The following HPSE2 variants were observed in gnomAD, a reference collection of about 807,000 sequenced individuals.
HPSE2 encodes heparanase 2 (inactive), also known as inactive heparanase-2.
HPSE2 carries 38 observed loss-of-function variants against 60.5 expected under a neutral mutation model. The observed-to-expected ratio is 0.63, with a 90% CI of 0.48 to 0.82. The LOEUF (loss-of-function observed/expected upper bound fraction) is 0.82. HPSE2 is among the 40% of genes least tolerant of loss of function. The probability of loss-of-function intolerance (pLI) is 0.00; values close to 1 mark genes in which losing one functional copy is unlikely to be tolerated. For missense variants in HPSE2, 713 were observed against 740.4 expected (o/e 0.96, Z 0.43); for synonymous variants, 295 against 293.2 (o/e 1.01, Z -0.06).
At chr10:99,273,606 C>T in the HPSE2 span, among the ~76,000 whole-genome samples, 4 of 152,122 alleles carry the variant, frequency 2.6e-5, no homozygotes, top group East Asian at 7.7e-4. Context: ...CATAAACCAA[C>T]CCCTAAAGAT....
chr10:99,132,197 G>GAAAGAGAGAGAGAA (rs1469649712), intron 3 of HPSE2, among the ~76,000 whole-genome samples: 1 of 16,142 alleles, frequency 6.2e-5, no homozygotes, highest in African/African-American at 1.2e-4. Flanking sequence ...AAGAAAGAGA[G>GAAAGAGAGAGAGAA]AGAGAGAGAG....
Position 98,915,956 on chromosome 10 carries a change from C to A in HPSE2, c.611-171900G>T, listed in dbSNP as rs544540084. Among the ~76,000 whole-genome samples the A allele has an allele frequency of 3.0e-4, 45 of 152,124 alleles. No homozygotes were observed. In the South Asian group the frequency reaches 6.9e-3, roughly 23 times the overall value. On this transcript the variant is annotated intron_variant, in intron 3 of 11. Transcript: ENST00000370552. Reference sequence around the variant, plus strand: ...AGAAGGAAACACAAACTTTGTATGACTTTTTTTTCCACATAGGATTCACAA... The same window carrying A: ...AGAAGGAAACACAAACTTTGTATGAATTTTTTTTCCACATAGGATTCACAA...
At chr10:99,193,485 G>C (rs1848290492) in intron 2 of HPSE2, among the ~76,000 whole-genome samples, 1 of 151,558 alleles carries the variant, frequency 6.6e-6, no homozygotes, top group Admixed American at 6.6e-5. Flanking sequence ...ACATACAGTG[G>C]CTGAATGGAT....
chr10:99,308,398 G>GAAAAAAAAAAAAAAAAAAAAAAAAA, the HPSE2 span, among the ~76,000 whole-genome samples: 27 of 56,396 alleles, frequency 4.8e-4, no homozygotes, highest in African/African-American at 5.5e-4. Context: ...AAAAAAAAAG[G>GAAAAAAAAAAAAAAAAAAAAAAAAA]AAACCATCAA....
chr10:99,240,457 C>CT (rs1849918769), upstream of HPSE2, among the ~76,000 whole-genome samples: 1 of 147,672 alleles, frequency 6.8e-6, no homozygotes, highest in African/African-American at 2.5e-5. Context: ...GTCACCCAGG[C>CT]TGGAGTGCAG....
intron 3 of HPSE2, among the ~76,000 whole-genome samples, chr10:99,064,837 T>A (rs1042229605): frequency 2.0e-5 from 3 of 152,108 alleles, no homozygotes; most frequent in Non-Finnish European, 2.9e-5. Context: ...AAAAGTTGTT[T>A]CAAGCTTCCT....
chr10:98,919,523 T>C (rs1954221241), intron 3 of HPSE2, among the ~76,000 whole-genome samples: 1 of 151,904 alleles, frequency 6.6e-6, no homozygotes, highest in Non-Finnish European at 1.5e-5. Flanking sequence ...CCCAAGGAAG[T>C]GAGGATGAGG....
At chr10:98,689,204 C>T (rs919685974) in intron 6 of HPSE2, among the ~76,000 whole-genome samples, 19 of 151,952 alleles carry the variant, frequency 1.3e-4, no homozygotes, top group Middle Eastern at 3.2e-3. Flanking sequence ...TTTTCCTGTT[C>T]GTCTGAACTC....
chr10:98,659,389 T>C (rs1044035062), intron 6 of HPSE2, among the ~76,000 whole-genome samples: 4 of 152,224 alleles, frequency 2.6e-5, no homozygotes, highest in Non-Finnish European at 5.9e-5. Context: ...TCAAACTACA[T>C]TGTTTAAGAG....
At chr10:99,041,786 C>T (rs1957745416) in intron 3 of HPSE2, among the ~76,000 whole-genome samples, 1 of 152,258 alleles carries the variant, frequency 6.6e-6, no homozygotes, top group East Asian at 1.9e-4. Flanking sequence ...CTGCATTTCT[C>T]TGGGATGGAG....
chr10:99,019,229 T>A (rs1957208173), intron 3 of HPSE2, among the ~76,000 whole-genome samples: 1 of 152,208 alleles, frequency 6.6e-6, no homozygotes, highest in African/African-American at 2.4e-5. Context: ...TTGCAATGTG[T>A]TAGCTGCTTG....
At chr10:99,119,106 A>AGGGAGGGAGGGAGGGT (rs1554892763) in intron 3 of HPSE2, among the ~76,000 whole-genome samples, 5 of 68,096 alleles carry the variant, frequency 7.3e-5, no homozygotes, top group African/African-American at 2.5e-4. Context: ...AGAGGGAGGG[A>AGGGAGGGAGGGAGGGT]GGGAGGGAGG....
chr10:99,042,676 G>A (rs1033418546), intron 3 of HPSE2, among the ~76,000 whole-genome samples: 6 of 152,010 alleles, frequency 3.9e-5, no homozygotes, highest in Non-Finnish European at 7.4e-5. Context: ...CGAGAAAGGT[G>A]TGGCTTATCT....
intron 3 of HPSE2, among the ~76,000 whole-genome samples, chr10:98,815,921 G>A (rs933353424): frequency 1.3e-5 from 2 of 150,424 alleles, no homozygotes; most frequent in Non-Finnish European, 2.9e-5. Flanking sequence ...GCAAACTATC[G>A]CAAGGACGAA....
chr10:99,186,104 C>CCACACACACACACACACACA (rs527839752), intron 2 of HPSE2, among the ~76,000 whole-genome samples: 5 of 80,690 alleles, frequency 6.2e-5, no homozygotes, highest in Non-Finnish European at 1.2e-4. Flanking sequence ...GGATAAATAA[C>CCACACACACACACACACACA]CACACACACA....
intron 2 of HPSE2, among the ~76,000 whole-genome samples, chr10:99,227,741 T>G (rs1009130361): frequency 1.3e-5 from 2 of 151,154 alleles, no homozygotes; most frequent in African/African-American, 2.4e-5. Context: ...ATTGTGGATA[T>G]ACAATAATTA....
At chr10:98,846,420 A>C (rs1952036103) in intron 3 of HPSE2, among the ~76,000 whole-genome samples, 1 of 152,236 alleles carries the variant, frequency 6.6e-6, no homozygotes. Context: ...AACTTAAAAA[A>C]TACAGCACAA....
chr10:98,662,314 C>T (rs951975718), intron 6 of HPSE2, among the ~76,000 whole-genome samples: 18 of 152,278 alleles, frequency 1.2e-4, no homozygotes, highest in African/African-American at 3.6e-4. Context: ...GAGAAGACCA[C>T]AGTGAACATA....
Position 98,512,398 on chromosome 10 carries a change from G to A in HPSE2, c.1321-22202C>T, listed in dbSNP as rs981137837. Among the ~76,000 whole-genome samples, 9 of 152,028 alleles carry A rather than the reference G, an allele frequency of 5.9e-5. No individual in the cohort carries two copies. In the South Asian group the frequency reaches 6.2e-4, roughly 11 times the overall value. On this transcript the variant is annotated intron_variant, in intron 9 of 11. Transcript: ENST00000370552. ...AGATCGAGACCATCCTGGCTAACACGGTGAAACCCTGTCTCTACTAAAAAC... is the reference window on the plus strand; with the variant it reads ...AGATCGAGACCATCCTGGCTAACACAGTGAAACCCTGTCTCTACTAAAAAC...
Sources: gnomAD v4.1 joint callset for allele counts (sites outside exome capture counted in the v4.1 genomes callset) on GRCh38, gnomAD v4.1.1 for gene constraint, MANE v1.5 for transcripts, NCBI Gene and HGNC (gene_info 2026-07-23, HGNC 2026-07-21) for gene names.